The following SPECC1 variants were observed in gnomAD, a reference collection of about 807,000 sequenced individuals.
SPECC1 encodes the protein cytospin-B.
A neutral mutation model predicts 104.1 loss-of-function variants in SPECC1; 62 were observed. That is an observed-to-expected ratio of 0.60 (90% CI 0.49 to 0.74). The LOEUF is 0.74. Among genes scored for constraint, SPECC1 ranks in the 30% least tolerant of loss-of-function variants. The probability of loss-of-function intolerance (pLI) is 0.00; values close to 1 mark genes in which losing one functional copy is unlikely to be tolerated. For missense variants in SPECC1, 1,306 were observed against 1,310.5 expected, an observed-to-expected ratio of 1.00 and a Z score of 0.05; for synonymous variants, 513 against 501.6, an observed-to-expected ratio of 1.02 and a Z score of -0.30.
chr17:20,067,186 T>C (rs1302402092), intron 1 of SPECC1: 1 of 152,116 alleles, frequency 6.6e-6, no homozygotes, highest in African/African-American at 2.4e-5. Context: ...TTTTTCTTTT[T>C]TTTGGAGATG....
chr17:20,213,092 CTTTT>C (rs909623277), intron 4 of SPECC1, among the ~76,000 whole-genome samples: 1 of 151,512 alleles, frequency 6.6e-6, no homozygotes, highest in African/African-American at 2.4e-5. Flanking sequence ...AGCTCTTATT[CTTTT>C]TTTTCTTTTC....
intron 3 of SPECC1, among the ~76,000 whole-genome samples, chr17:20,152,323 A>G (rs1267869600): frequency 6.6e-6 from 1 of 152,138 alleles, no homozygotes; most frequent in Non-Finnish European, 1.5e-5. Context: ...ATAAAATAAT[A>G]CAAGCATTGA....
intron 1 of SPECC1, among the ~76,000 whole-genome samples, chr17:20,080,223 C>G (rs1013378144): frequency 6.6e-6 from 1 of 152,052 alleles, no homozygotes; most frequent in Admixed American, 6.6e-5. Flanking sequence ...TGGGGTTGCT[C>G]TGATCACAAA....
chr17:20,267,668 C>G (rs1465966038), intron 12 of SPECC1, among the ~76,000 whole-genome samples: 1 of 152,000 alleles, frequency 6.6e-6, no homozygotes, highest in Non-Finnish European at 1.5e-5. Flanking sequence ...AGAAGGGCCC[C>G]CTGGCTGGCA....
intron 2 of SPECC1, among the ~76,000 whole-genome samples, chr17:20,104,828 G>A (rs888672017): frequency 6.6e-6 from 1 of 151,440 alleles, no homozygotes; most frequent in African/African-American, 2.4e-5. Flanking sequence ...CCTTTCCAGG[G>A]CTCCATGGCT....
At chr17:20,313,868 T>C (rs2041994764) in intron 14 of SPECC1, 108 bp from the exon 15 acceptor site, 3 of 974,118 alleles carry the variant, frequency 3.1e-6, no homozygotes, top group African/African-American at 1.6e-5. Flanking sequence ...TCTGTGTAAG[T>C]GGAGGGTTTC....
At chr17:20,249,893 A>G (rs1371001749) in intron 9 of SPECC1, among the ~76,000 whole-genome samples, 1 of 152,180 alleles carries the variant, frequency 6.6e-6, no homozygotes, top group Non-Finnish European at 1.5e-5. Context: ...ATTGGAAGGG[A>G]TAATGATCAA....
chr17:20,314,037 C>T lies in SPECC1; in HGVS notation c.3179C>T (p.Ala1060Val). The change falls in exon 15 of 15, where the codon GCC becomes GTC. Residue 1060 changes from alanine (A) to valine (V), a missense_variant. Around this residue, in one of 2 missense-constraint regions of SPECC1, gnomAD observed 129 missense variants for 170.6 expected, o/e 0.76. Transcript: ENST00000395527. Reference sequence around the variant, plus strand: ...TGGCAGAGTGTGATGCAGTACGTGGCCCAAATCTACAAGTACTTTGAGACG... The same window carrying T: ...TGGCAGAGTGTGATGCAGTACGTGGTCCAAATCTACAAGTACTTTGAGACG... ...PDWQSVMQYV[A>V]QIYKYFET 6.2e-7 allele frequency: 1 copy of T among 1,614,148 alleles called. No homozygotes were observed. The highest frequency in any genetic ancestry group is 8.5e-7 in the Non-Finnish European group (1 of 1,180,030).
At chr17:20,292,347 G>T (rs368121546) in intron 12 of SPECC1, among the ~76,000 whole-genome samples, 2 of 151,672 alleles carry the variant, frequency 1.3e-5, no homozygotes, top group African/African-American at 2.4e-5. Flanking sequence ...TTTTTTTGGG[G>T]GGGGGACGGA....
intron 3 of SPECC1, chr17:20,112,086 G>A: frequency 3.9e-6 from 3 of 765,970 alleles, no homozygotes; most frequent in South Asian, 2.7e-5. Flanking sequence ...ATTCCACATA[G>A]ACTGGCTAAC....
chr17:20,298,766 A>T (rs1240308858), intron 13 of SPECC1, among the ~76,000 whole-genome samples: 1 of 152,080 alleles, frequency 6.6e-6, no homozygotes, highest in Non-Finnish European at 1.5e-5. Flanking sequence ...CCATTTTCTG[A>T]GATGGGGAGG....
rs1447238495 is a variant in SPECC1 at position 20,315,973 on chromosome 17, G to T, written c.*1908G>T. ...TTCTTTAGGCGACTGAAGCACAGCT[G>T]CTTGGAGAACCACTGAGGGGTGGAC... On this transcript the variant is annotated 3_prime_UTR_variant, in exon 15 of 15. Transcript: ENST00000395527. The T allele has an allele frequency of 3.9e-5, 9 of 232,632 alleles. No individual in the cohort carries two copies. In the East Asian group the frequency reaches 4.8e-4, roughly 13 times the overall value. 14.4% of individuals were successfully genotyped at this position (232,632 alleles called of 1,614,324 possible).
chr17:20,086,913 T>A (rs374134630), intron 1 of SPECC1: 1 of 152,162 alleles, frequency 6.6e-6, no homozygotes, highest in African/African-American at 2.4e-5. Flanking sequence ...GGAAATAGAA[T>A]AGAATGCAAC....
chr17:20,086,349 A>T (rs998831872), intron 1 of SPECC1, among the ~76,000 whole-genome samples: 1 of 152,028 alleles, frequency 6.6e-6, no homozygotes, highest in Non-Finnish European at 1.5e-5. Context: ...GAGACCCTTC[A>T]CTTCCACAGA....
chr17:20,050,008 G>A (rs181557910), intron 1 of SPECC1, among the ~76,000 whole-genome samples: 5 of 152,004 alleles, frequency 3.3e-5, no homozygotes, highest in Admixed American at 1.3e-4. Context: ...GTAGAGATGG[G>A]GTTTCTCCAT....
intron 2 of SPECC1, among the ~76,000 whole-genome samples, chr17:20,107,370 G>T (rs2048273238): frequency 6.6e-6 from 1 of 150,828 alleles, no homozygotes; most frequent in Non-Finnish European, 1.5e-5. Flanking sequence ...CAGCATTTGG[G>T]AGGCTGAGGT....
intron 1 of SPECC1, among the ~76,000 whole-genome samples, chr17:20,083,954 G>T (rs1364209684): frequency 6.6e-6 from 1 of 151,966 alleles, no homozygotes; most frequent in African/African-American, 2.4e-5. Flanking sequence ...TAGCTCTTAT[G>T]GTTTCAATTT....
chr17:20,101,416 GTGA>G (rs2047940285), intron 2 of SPECC1, among the ~76,000 whole-genome samples: 1 of 152,238 alleles, frequency 6.6e-6, no homozygotes, highest in African/African-American at 2.4e-5. Flanking sequence ...CTAGTGACCA[GTGA>G]TGATGAGCTT....
At chr17:20,073,047 A>G (rs1281400827) in intron 1 of SPECC1, among the ~76,000 whole-genome samples, 1 of 152,140 alleles carries the variant, frequency 6.6e-6, no homozygotes, top group Non-Finnish European at 1.5e-5. Flanking sequence ...AGCTCCCTGA[A>G]TTCAAAATTA....
Sources: gnomAD v4.1 joint callset for allele counts (sites outside exome capture counted in the v4.1 genomes callset) on GRCh38, gnomAD v4.1.1 for gene constraint, gnomAD v4.1.1 regional missense constraint, MANE v1.5 for transcripts, NCBI Gene and HGNC (gene_info 2026-07-23, HGNC 2026-07-21) for gene names.